Variants in OR1L8 observed in about 807,000 individuals in gnomAD.
The protein encoded by OR1L8 is olfactory receptor family 1 subfamily L member 8, also known as olfactory receptor 1L8.
For synonymous variants in OR1L8, 148 were observed against 147.0 expected (o/e 1.01, Z -0.05); for missense variants, 330 against 377.4 (o/e 0.87, Z 1.04).
Position 122,574,581 on chromosome 9 carries a change from A to AT in OR1L8, c.-341-1674dup, listed in dbSNP as rs533462090. ...CTGTAATTGCTTATTAGTTCCAGGA[A>AT]TTTTTTTGTCAATTCTTTTGGATTT... is the stretch of plus-strand genomic sequence containing the variant. On this transcript the variant is annotated intron_variant, in intron 3 of 4. Transcript: ENST00000641027. Among the ~76,000 whole-genome samples the AT allele has an allele frequency of 5.9e-5, 9 of 151,926 alleles. No individual in the cohort carries two copies. In the South Asian group the frequency reaches 8.3e-4, roughly 14 times the overall value.
intron 1 of OR1L8, among the ~76,000 whole-genome samples, chr9:122,581,068 A>G (rs1829733123): frequency 6.6e-6 from 1 of 152,168 alleles, no homozygotes; most frequent in Non-Finnish European, 1.5e-5. Flanking sequence ...TATTTATTTC[A>G]TAATAGTGAC....
chr9:122,570,515 A>C (rs1010888132), intron 4 of OR1L8, among the ~76,000 whole-genome samples: 1 of 152,220 alleles, frequency 6.6e-6, no homozygotes, highest in African/African-American at 2.4e-5. Context: ...CAGGTTTTTC[A>C]TGTATAAAAT....
At chr9:122,562,542 C>T (rs553371624), downstream of OR1L8, among the ~76,000 whole-genome samples, 1 of 152,286 alleles carries the variant, frequency 6.6e-6, no homozygotes, top group African/African-American at 2.4e-5. Context: ...TCACTCACCA[C>T]CTCCCTTGGC....
chr9:122,548,774 C>T, the OR1L8 span, among the ~76,000 whole-genome samples: 35 of 110,594 alleles, frequency 3.2e-4, no homozygotes, highest in Middle Eastern at 8.2e-3. Context: ...CAACAGGCCC[C>T]GGTGTGTGAT....
At chr9:122,550,817 G>A in the OR1L8 span, among the ~76,000 whole-genome samples, 1 of 151,444 alleles carries the variant, frequency 6.6e-6, no homozygotes, top group East Asian at 1.9e-4. Flanking sequence ...AAAGCTGAAC[G>A]CATTCCCCCT....
intron 1 of OR1L8, among the ~76,000 whole-genome samples, chr9:122,581,039 ATATAAT>A (rs1398471931): frequency 1.3e-5 from 2 of 152,170 alleles, no homozygotes; most frequent in South Asian, 2.1e-4. Flanking sequence ...TGAATATTAA[ATATAAT>A]TATAATGGTT....
downstream of OR1L8, among the ~76,000 whole-genome samples, chr9:122,565,506 T>A (rs1198575178): frequency 2.6e-5 from 4 of 152,222 alleles, no homozygotes; most frequent in Non-Finnish European, 5.9e-5. Flanking sequence ...TAACCAGGGC[T>A]GACCTGGCCA....
the OR1L8 span, chr9:122,554,055 A>G: frequency 8.7e-6 from 14 of 1,613,550 alleles, no homozygotes; most frequent in Admixed American, 1.7e-5. Flanking sequence ...TGTTCTCTAT[A>G]TGGTGATTAT....
the OR1L8 span, among the ~76,000 whole-genome samples, chr9:122,549,921 T>C: frequency 6.6e-6 from 1 of 152,194 alleles, no homozygotes; most frequent in Non-Finnish European, 1.5e-5. Context: ...TTGATAGGAA[T>C]TGCATTGAAT....
At chr9:122,554,689 A>G in the OR1L8 span, among the ~76,000 whole-genome samples, 1 of 152,214 alleles carries the variant, frequency 6.6e-6, no homozygotes, top group East Asian at 1.9e-4. Flanking sequence ...GATCATGACA[A>G]GGAAGGTGTG....
At chr9:122,564,213 T>A (rs1829395501), downstream of OR1L8, among the ~76,000 whole-genome samples, 1 of 152,150 alleles carries the variant, frequency 6.6e-6, no homozygotes, top group Non-Finnish European at 1.5e-5. Flanking sequence ...TTAATGAAAT[T>A]TTAGCTCAGA....
intron 2 of OR1L8, 25 bp downstream of exon 2, chr9:122,578,299 A>C (rs35411541): frequency 0.14 from 20,607 of 152,072 alleles, 1,519 homozygotes; most frequent in Middle Eastern, 0.21. Flanking sequence ...AAATACAAAA[A>C]TTAGCTGGTC....
downstream of OR1L8, among the ~76,000 whole-genome samples, chr9:122,565,573 A>G (rs556202409): frequency 5.3e-5 from 8 of 152,268 alleles, no homozygotes; most frequent in South Asian, 1.0e-3. Context: ...GAGCCCCCCA[A>G]TGGCACCATT....
the OR1L8 span, among the ~76,000 whole-genome samples, chr9:122,554,950 T>C: frequency 6.6e-6 from 1 of 152,156 alleles, no homozygotes; most frequent in Non-Finnish European, 1.5e-5. Flanking sequence ...TGCTGGAAAT[T>C]TTTAGGGCAA....
chr9:122,573,473 T>C (rs1220052856), intron 3 of OR1L8, among the ~76,000 whole-genome samples: 1 of 152,238 alleles, frequency 6.6e-6, no homozygotes, highest in East Asian at 1.9e-4. Flanking sequence ...ATTGTTGTTT[T>C]AATTTGAATT....
chr9:122,563,912 G>A (rs2118700935), downstream of OR1L8, among the ~76,000 whole-genome samples: 1 of 152,308 alleles, frequency 6.6e-6, no homozygotes, highest in South Asian at 2.1e-4. Context: ...TCAAAAATCA[G>A]TTGGCTATAG....
intron 4 of OR1L8, among the ~76,000 whole-genome samples, chr9:122,572,109 A>G (rs1376799397): frequency 1.3e-5 from 2 of 152,162 alleles, no homozygotes; most frequent in Non-Finnish European, 2.9e-5. Flanking sequence ...CTTTTTAAAC[A>G]AGTAGATCTT....
At position 122,579,814 on chromosome 9, in the gene OR1L8, T is replaced by C. The variant is rs77190519; in HGVS notation, c.-599-1369A>G. On this transcript the variant is annotated intron_variant, in intron 1 of 4. Coordinates refer to ENST00000641027, the MANE Select transcript of OR1L8 (RefSeq NM_001004454.2). Reference sequence around the variant, plus strand: ...ATGAAGTAAATAAAATACTGAAATATTTTATTTACCAGGAAATTGAGTGCT... The same window carrying C: ...ATGAAGTAAATAAAATACTGAAATACTTTATTTACCAGGAAATTGAGTGCT... Among the ~76,000 whole-genome samples, 627 of 152,276 alleles carry C rather than the reference T, an allele frequency of 4.1e-3. 5 individuals are homozygous for C. The highest frequency in any genetic ancestry group is 6.9e-3 in the Non-Finnish European group (472 of 68,030).
intron 1 of OR1L8, among the ~76,000 whole-genome samples, chr9:122,578,896 C>T (rs896086318): frequency 2.0e-5 from 3 of 152,018 alleles, no homozygotes; most frequent in South Asian, 2.1e-4. Context: ...TCACCACTAA[C>T]GAACTTAAAC....
Sources: allele counts gnomAD v4.1 joint callset (sites outside exome capture counted in the v4.1 genomes callset), GRCh38; gene constraint gnomAD v4.1.1; transcripts MANE v1.5; gene names NCBI Gene and HGNC (gene_info 2026-07-23, HGNC 2026-07-21).